The following TXNRD1 variants were observed in gnomAD, a reference collection of about 807,000 sequenced individuals.
The protein encoded by TXNRD1 is thioredoxin reductase 1.
TXNRD1 carries 57 observed loss-of-function variants against 80.3 expected under a neutral mutation model. The ratio of observed to expected loss-of-function variants is 0.71; its 90% confidence interval spans 0.57 to 0.89. The LOEUF (loss-of-function observed/expected upper bound fraction) is 0.89, where lower values mean the gene tolerates loss of function less well. Among genes scored for constraint, TXNRD1 ranks in the 40% least tolerant of loss-of-function variants. TXNRD1 has a pLI of 0.00. For synonymous variants in TXNRD1, 291 were observed against 285.2 expected, an observed-to-expected ratio of 1.02 and a Z score of -0.20; for missense variants, 730 against 803.0, an observed-to-expected ratio of 0.91 and a Z score of 1.10.
At chr12:104,253,405 T>C (rs1298904335) in intron 2 of TXNRD1, among the ~76,000 whole-genome samples, 2 of 151,884 alleles carry the variant, frequency 1.3e-5, no homozygotes, top group African/African-American at 4.8e-5. Flanking sequence ...GTCCCATCCC[T>C]GGGGGTTTAG....
At chr12:104,327,896 C>A (rs1343503476) in intron 13 of TXNRD1, among the ~76,000 whole-genome samples, 1 of 151,852 alleles carries the variant, frequency 6.6e-6, no homozygotes, top group Non-Finnish European at 1.5e-5. Flanking sequence ...CACAGTGGCT[C>A]ATGCCTGTAA....
chr12:104,323,750 C>T (rs1190181776), intron 10 of TXNRD1, among the ~76,000 whole-genome samples: 2 of 138,764 alleles, frequency 1.4e-5, no homozygotes, highest in Non-Finnish European at 1.6e-5. Context: ...CCAGTAGGGG[C>T]GGCCGGGCAG....
chr12:104,345,129 A>G (rs182671279), intron 16 of TXNRD1, among the ~76,000 whole-genome samples: 44 of 152,370 alleles, frequency 2.9e-4, no homozygotes, highest in Non-Finnish European at 5.0e-4. Context: ...AATTTTAACA[A>G]TAATTTGACA....
intron 1 of TXNRD1, among the ~76,000 whole-genome samples, chr12:104,242,779 C>T (rs2032902909): frequency 6.6e-6 from 1 of 152,174 alleles, no homozygotes; most frequent in African/African-American, 2.4e-5. Flanking sequence ...CTACCTCAAA[C>T]ACACAGTGTC....
At chr12:104,271,183 CTTTTT>C (rs1165430972) in intron 3 of TXNRD1, among the ~76,000 whole-genome samples, 3 of 127,342 alleles carry the variant, frequency 2.4e-5, no homozygotes, top group Non-Finnish European at 1.6e-5. Flanking sequence ...TTAGTTCTTT[CTTTTT>C]TTTTTTTTTT....
At chr12:104,289,094 C>A in intron 4 of TXNRD1, 54 bp downstream of exon 4, 1 of 1,573,492 alleles carries the variant, frequency 6.4e-7, no homozygotes, top group South Asian at 1.1e-5. Flanking sequence ...TTGAGCTCAG[C>A]GTGGTCACAG....
At chr12:104,325,727 C>G (rs1365976980) in intron 11 of TXNRD1, among the ~76,000 whole-genome samples, 2 of 152,154 alleles carry the variant, frequency 1.3e-5, no homozygotes, top group Admixed American at 6.5e-5. Context: ...CAAAAATTAG[C>G]CGGGCGTGGT....
chr12:104,331,653 T>G lies in TXNRD1; in HGVS notation c.1650+12T>G. On this transcript the variant is annotated intron_variant, in intron 14 of 16. Transcript: ENST00000525566. Reference sequence around the variant, plus strand: ...AAGAAAATATTGAGGTAAGTTCTTTTCCTCTTTTCTCCTATGTTATATCAC... The same window carrying G: ...AAGAAAATATTGAGGTAAGTTCTTTGCCTCTTTTCTCCTATGTTATATCAC... The G allele has an allele frequency of 6.5e-7, 1 of 1,528,114 alleles. No individual in the cohort carries two copies. Among genetic ancestry groups the G allele is most frequent in the Non-Finnish European group, 9.0e-7 (1 of 1,106,320 alleles). 94.7% of individuals were successfully genotyped at this position (1,528,114 alleles called of 1,614,324 possible).
At chr12:104,317,460 T>G (rs941778536) in intron 7 of TXNRD1, among the ~76,000 whole-genome samples, 16 of 151,382 alleles carry the variant, frequency 1.1e-4, no homozygotes, top group African/African-American at 3.9e-4. Context: ...CCATGATCTA[T>G]CTGTTCTCTT....
At chr12:104,317,957 T>C (rs1231766279) in intron 7 of TXNRD1, among the ~76,000 whole-genome samples, 1 of 152,184 alleles carries the variant, frequency 6.6e-6, no homozygotes, top group African/African-American at 2.4e-5. Context: ...CTGGCCAACA[T>C]GGCAAAACTG....
rs143659779 is a variant in TXNRD1, at chr12:104,265,232, C to T, written c.304+7153C>T. 3,606 of 1,306,894 alleles carry T rather than the reference C, an allele frequency of 2.8e-3. 62 individuals carry two copies. In the African/African-American group the frequency reaches 0.046, roughly 17 times the overall value. The allele number at this position is 1,306,894 out of a possible 1,614,324, so 81.0% of individuals were successfully genotyped here. A position where few individuals can be genotyped will look rare whatever the true frequency, so the allele number is the denominator to read the frequency against. On this transcript the variant is annotated intron_variant, in intron 3 of 16. Coordinates refer to ENST00000525566, the MANE Select transcript of TXNRD1 (RefSeq NM_001093771.3). ...ACACCACTGCACTCCAGCCTGGTGA[C>T]AGAGTGAGACTCCGTCTTAAAAAAA...
At chr12:104,272,898 G>A (rs796154703) in intron 3 of TXNRD1, among the ~76,000 whole-genome samples, 3 of 152,172 alleles carry the variant, frequency 2.0e-5, no homozygotes, top group African/African-American at 7.2e-5. Flanking sequence ...ACTGAGGCAG[G>A]AGAATTGCTT....
At chr12:104,216,721 A>G (rs2032223202) in intron 1 of TXNRD1, among the ~76,000 whole-genome samples, 1 of 152,246 alleles carries the variant, frequency 6.6e-6, no homozygotes, top group African/African-American at 2.4e-5. Context: ...CTGGGATACC[A>G]GTTGAGGCCA....
At chr12:104,316,203 T>C (rs1359097780) in intron 7 of TXNRD1, among the ~76,000 whole-genome samples, 1 of 151,982 alleles carries the variant, frequency 6.6e-6, no homozygotes, top group Non-Finnish European at 1.5e-5. Context: ...GAAGTACTAA[T>C]TGCATTTGCT....
chr12:104,299,506 C>T (rs1017090973), intron 4 of TXNRD1, among the ~76,000 whole-genome samples: 2 of 152,006 alleles, frequency 1.3e-5, no homozygotes, highest in Non-Finnish European at 2.9e-5. Flanking sequence ...CAGTGGCTCA[C>T]GCATGTAATC....
chr12:104,325,005 A>T (rs940390461), intron 10 of TXNRD1, among the ~76,000 whole-genome samples: 1 of 152,210 alleles, frequency 6.6e-6, no homozygotes, highest in Non-Finnish European at 1.5e-5. Flanking sequence ...ATCACAAGAT[A>T]GAAACCTGGG....
intron 2 of TXNRD1, among the ~76,000 whole-genome samples, chr12:104,256,532 G>A (rs1175563531): frequency 6.6e-6 from 1 of 152,076 alleles, no homozygotes; most frequent in Non-Finnish European, 1.5e-5. Flanking sequence ...TGTAATCCCA[G>A]CACTTTGGGA....
intron 2 of TXNRD1, 86 bp downstream of exon 2, chr12:104,251,764 C>A: frequency 1.3e-6 from 2 of 1,506,898 alleles, no homozygotes; most frequent in Non-Finnish European, 1.8e-6. Flanking sequence ...TGGATTTTAC[C>A]TTTAGGAAGA....
chr12:104,309,717 T>C, intron 4 of TXNRD1: 1 of 1,425,412 alleles, frequency 7.0e-7, no homozygotes, highest in South Asian at 1.3e-5. Context: ...ATTGATCCTT[T>C]GATCGAATGG....
Sources: gnomAD v4.1 joint callset for allele counts (sites outside exome capture counted in the v4.1 genomes callset) on GRCh38, gnomAD v4.1.1 for gene constraint, MANE v1.5 for transcripts, NCBI Gene and HGNC (gene_info 2026-07-23, HGNC 2026-07-21) for gene names.